The following WWOX variants were observed in gnomAD, a reference collection of about 807,000 sequenced individuals.
WWOX encodes WW domain-containing oxidoreductase.
In WWOX, 69 loss-of-function variants were observed where a neutral mutation model predicts 46.2. That is an observed-to-expected ratio of 1.49 (90% confidence interval 1.23 to 1.82). WWOX has a LOEUF of 1.82. WWOX is among the 40% of genes most tolerant of loss of function. The pLI is 0.00. For missense variants in WWOX, 919 were observed against 542.6 expected, an observed-to-expected ratio of 1.69 and a Z score of -6.89; for synonymous variants, 359 against 202.6, an observed-to-expected ratio of 1.77 and a Z score of -6.56.
chr16:79,031,855 T>C (rs907200338), intron 8 of WWOX, among the ~76,000 whole-genome samples: 1 of 139,668 alleles, frequency 7.2e-6, no homozygotes, highest in Non-Finnish European at 1.5e-5. Context: ...TTATATATTA[T>C]ATATATAGAT....
chr16:79,186,773 T>C (rs1369026755), intron 8 of WWOX, among the ~76,000 whole-genome samples: 1 of 152,070 alleles, frequency 6.6e-6, no homozygotes, highest in Non-Finnish European at 1.5e-5. Context: ...TCTCCAATCC[T>C]CACGCTAGCA....
rs373400958 is a variant in WWOX at position 78,451,258 on chromosome 16, A to G, written c.1056+18506A>G. The stretch of plus-strand genomic sequence containing the variant: ...TCATGTTAGTCTGTAATGTGAAGAT[A>G]TGAAATGTATTTGATACAATAGGAG... On this transcript the variant is annotated intron_variant, in intron 8 of 8. Transcript: ENST00000566780. Among the ~76,000 whole-genome samples, 37 of 152,296 alleles carry G rather than the reference A, an allele frequency of 2.4e-4. No homozygotes were observed. In the South Asian group the frequency reaches 6.4e-3, roughly 26 times the overall value.
chr16:78,425,734 C>T (rs891138299), intron 7 of WWOX, among the ~76,000 whole-genome samples: 3 of 152,068 alleles, frequency 2.0e-5, no homozygotes, highest in South Asian at 2.1e-4. Context: ...AAGACAAAGG[C>T]CTTGCTGGGT....
At chr16:78,627,124 A>G (rs1314910665) in intron 8 of WWOX, among the ~76,000 whole-genome samples, 2 of 152,060 alleles carry the variant, frequency 1.3e-5, no homozygotes, top group Admixed American at 6.5e-5. Context: ...TTTGTTTTAA[A>G]TAAAAATCAT....
At chr16:79,028,052 C>T (rs929478290) in intron 8 of WWOX, among the ~76,000 whole-genome samples, 9 of 151,814 alleles carry the variant, frequency 5.9e-5, no homozygotes, top group East Asian at 1.9e-4. Flanking sequence ...CCTGGGTTCA[C>T]GCCATTCTCC....
At chr16:78,833,807 C>G (rs1156281843) in intron 8 of WWOX, among the ~76,000 whole-genome samples, 1 of 152,232 alleles carries the variant, frequency 6.6e-6, no homozygotes, top group Non-Finnish European at 1.5e-5. Context: ...CCCAGAGTCA[C>G]ACAGCTCACA....
intron 8 of WWOX, among the ~76,000 whole-genome samples, chr16:78,986,045 A>G (rs932175174): frequency 2.6e-5 from 4 of 152,198 alleles, no homozygotes; most frequent in Non-Finnish European, 5.9e-5. Flanking sequence ...ATTTTATGCA[A>G]TGCAAGCTTG....
rs544009324 is a variant in WWOX, at chr16:78,434,886, C to T, written c.1056+2134C>T. Among the ~76,000 whole-genome samples, 4 of 152,062 alleles carry T rather than the reference C, an allele frequency of 2.6e-5. No individual in the cohort carries two copies. In the East Asian group the frequency reaches 5.8e-4, roughly 22 times the overall value. On this transcript the variant is annotated intron_variant, in intron 8 of 8. Transcript: ENST00000566780. The stretch of plus-strand genomic sequence containing the variant: ...GATCCCATTGCTTAGGGACTCTGTG[C>T]CAGGGCATGTGGGAAAAGAAGGAAG...
intron 8 of WWOX, among the ~76,000 whole-genome samples, chr16:78,556,075 A>T (rs1380447725): frequency 6.6e-6 from 1 of 152,046 alleles, no homozygotes; most frequent in Non-Finnish European, 1.5e-5. Flanking sequence ...TTATTTCCTG[A>T]AGATTCATTC....
At chr16:78,934,347 A>AG (rs2045689988) in intron 8 of WWOX, among the ~76,000 whole-genome samples, 2 of 148,084 alleles carry the variant, frequency 1.4e-5, no homozygotes, top group Non-Finnish European at 3.0e-5. Flanking sequence ...CAAAAAAAAA[A>AG]AAAAGAAGAA....
chr16:79,063,928 A>G lies in WWOX; in HGVS notation c.1057-147680A>G, dbSNP rs190152017. 1.5e-3 allele frequency among the ~76,000 whole-genome samples: 229 copies of G among 152,256 alleles called. 1 individual carries two copies. The highest frequency in any genetic ancestry group is 2.2e-3 in the Non-Finnish European group (152 of 68,006). ...GACTAGTATGGAGCAAAAACTGGCA[A>G]TTTTCAGTTAACCAGAATGTTGCAT... On this transcript the variant is annotated intron_variant, in intron 8 of 8. Coordinates refer to ENST00000566780, the MANE Select transcript of WWOX (RefSeq NM_016373.4).
intron 8 of WWOX, among the ~76,000 whole-genome samples, chr16:79,042,082 C>G (rs1398702288): frequency 6.6e-6 from 1 of 152,134 alleles, no homozygotes; most frequent in African/African-American, 2.4e-5. Flanking sequence ...CTACCATGTT[C>G]CAGGTGCCTG....
intron 8 of WWOX, among the ~76,000 whole-genome samples, chr16:79,066,100 C>T (rs2048436084): frequency 6.6e-6 from 1 of 152,158 alleles, no homozygotes; most frequent in Admixed American, 6.5e-5. Flanking sequence ...TCTCCTGTCT[C>T]CTGCTTTTTC....
At chr16:78,617,962 A>G (rs148565888) in intron 8 of WWOX, among the ~76,000 whole-genome samples, 1,788 of 152,276 alleles carry the variant, frequency 0.012, 10 homozygotes, top group Non-Finnish European at 0.019. Flanking sequence ...AATCTTCATT[A>G]TATTATCATT....
rs1045041345 is a variant in WWOX, at chr16:79,194,431, T to C, written c.1057-17177T>C. ...ACAGCACACACCCAACTATGAAATA[T>C]AGATGGACTGTGAAGATGAAGAAAG... On this transcript the variant is annotated intron_variant, in intron 8 of 8. Coordinates refer to ENST00000566780, the MANE Select transcript of WWOX (RefSeq NM_016373.4). 6.6e-5 allele frequency among the ~76,000 whole-genome samples: 10 copies of C among 152,158 alleles called. No individual in the cohort carries two copies. In the South Asian group the frequency reaches 1.0e-3, roughly 16 times the overall value.
intron 8 of WWOX, among the ~76,000 whole-genome samples, chr16:78,489,090 G>A (rs1275223718): frequency 6.6e-6 from 1 of 152,106 alleles, no homozygotes; most frequent in African/African-American, 2.4e-5. Context: ...TAGCTGAGAT[G>A]AGATTTTATG....
chr16:78,807,024 C>T (rs1038798693), intron 8 of WWOX, among the ~76,000 whole-genome samples: 3 of 152,226 alleles, frequency 2.0e-5, no homozygotes, highest in African/African-American at 7.2e-5. Flanking sequence ...GCTGACCCCA[C>T]ATTTGTGCTG....
intron 1 of WWOX, chr16:78,100,323 GC>G: frequency 1.2e-6 from 1 of 848,532 alleles, no homozygotes; most frequent in Non-Finnish European, 1.5e-6. Context: ...TGCCATCATA[GC>G]CCACTGTAGC....
At chr16:78,184,527 G>T (rs2151756895) in intron 5 of WWOX, among the ~76,000 whole-genome samples, 1 of 151,826 alleles carries the variant, frequency 6.6e-6, no homozygotes, top group Middle Eastern at 3.4e-3. Context: ...AGCTTAGCCG[G>T]CACCCACATG....
Sources: allele counts gnomAD v4.1 joint callset (sites outside exome capture counted in the v4.1 genomes callset), GRCh38; gene constraint gnomAD v4.1.1; transcripts MANE v1.5; gene names NCBI Gene and HGNC (gene_info 2026-07-23, HGNC 2026-07-21).